Variants in FAM131C observed in about 807,000 individuals in gnomAD.
FAM131C encodes the protein protein FAM131C.
A neutral mutation model predicts 29.8 loss-of-function variants in FAM131C; 14 were observed. That is an observed-to-expected ratio of 0.47 (90% CI 0.31 to 0.73). FAM131C has a LOEUF of 0.73. FAM131C is among the 30% of genes least tolerant of loss of function. The pLI is 0.05. For missense variants in FAM131C, 252 were observed against 383.8 expected (o/e 0.66, Z 2.87); for synonymous variants, 86 against 157.8 (o/e 0.54, Z 3.41).
chr1:16,072,315 A>T (rs752413456), intron 1 of FAM131C, among the ~76,000 whole-genome samples: 8 of 152,180 alleles, frequency 5.3e-5, no homozygotes, highest in Admixed American at 2.6e-4. Context: ...GGAACTCCTG[A>T]GCAGAAGCCC....
chr1:16,065,172 C>G (rs1400532964), intron 1 of FAM131C, among the ~76,000 whole-genome samples: 4 of 152,090 alleles, frequency 2.6e-5, no homozygotes, highest in African/African-American at 9.7e-5. Context: ...CCAAGCACAC[C>G]TGGGCAAAAG....
chr1:16,059,675 C>A (rs895081707), intron 5 of FAM131C, 71 bp from the exon 6 acceptor site: 1 of 1,211,672 alleles, frequency 8.3e-7, no homozygotes, highest in Non-Finnish European at 1.1e-6. Flanking sequence ...TGGAGCTGCT[C>A]CAGGACAGGC....
At chr1:16,062,719 C>T (rs2023620660) in intron 2 of FAM131C, among the ~76,000 whole-genome samples, 185 bp from the exon 3 acceptor site, 1 of 152,230 alleles carries the variant, frequency 6.6e-6, no homozygotes. Context: ...AAGGAGGGGG[C>T]AACAGTGGTG....
Position 16,062,103 on chromosome 1 carries a change from A to G in FAM131C, c.264T>C (p.Leu88=). 1 of 1,611,490 alleles carries G rather than the reference A, an allele frequency of 6.2e-7. No individual in the cohort carries two copies. The highest frequency in any genetic ancestry group is 8.5e-7 in the Non-Finnish European group (1 of 1,179,444). Residue 88 remains leucine, a synonymous_variant, in exon 4 of 7, where the codon CTT becomes CTC. Transcript: ENST00000375662. ...YNVAALATSS[L]VGVVQSIKDH... ...AGAGTTGCGGCCAGAACCTACCCACAAGGGACGAGGTGGCCAGGGCTGCCA... is the reference window on the plus strand; with the variant it reads ...AGAGTTGCGGCCAGAACCTACCCACGAGGGACGAGGTGGCCAGGGCTGCCA...
At chr1:16,063,169 T>C (rs2023627955) in intron 2 of FAM131C, among the ~76,000 whole-genome samples, 1 of 148,396 alleles carries the variant, frequency 6.7e-6, no homozygotes, top group South Asian at 2.1e-4. Flanking sequence ...AGTTATATAT[T>C]ATATATTTAT....
chr1:16,062,489 G>C lies in FAM131C; in HGVS notation c.174+10C>G. The C allele has an allele frequency of 6.3e-7, 1 of 1,579,866 alleles. No individual in the cohort carries two copies. Among genetic ancestry groups the C allele is most frequent in the Non-Finnish European group, 8.6e-7 (1 of 1,163,380 alleles). ...GGCCGGCTAGAATGGGGACACACAA[G>C]TGCACTGACCTGCCAAGGATCCCAA... is the stretch of plus-strand genomic sequence containing the variant. On this transcript the variant is annotated intron_variant, in intron 3 of 6. Transcript: ENST00000375662.
At chr1:16,067,932 C>G (rs1447491851) in intron 1 of FAM131C, among the ~76,000 whole-genome samples, 1 of 152,214 alleles carries the variant, frequency 6.6e-6, no homozygotes, top group Non-Finnish European at 1.5e-5. Context: ...CCTCCCAGGG[C>G]TCTGCACCCC....
intron 3 of FAM131C, 101 bp downstream of exon 3, chr1:16,062,398 C>CCCCCCCG: frequency 1.4e-6 from 2 of 1,390,298 alleles, no homozygotes; most frequent in Non-Finnish European, 1.9e-6. Context: ...CCCCCCCGCC[C>CCCCCCCG]CAGGGCCAGC....
intron 4 of FAM131C, among the ~76,000 whole-genome samples, chr1:16,061,192 C>T (rs961393695): frequency 6.6e-6 from 1 of 152,136 alleles, no homozygotes; most frequent in African/African-American, 2.4e-5. Flanking sequence ...GAGACTCTCC[C>T]TCCCACCCAC....
At position 16,062,088 on chromosome 1, in the gene FAM131C, C is replaced by T. The variant is rs775398272; in HGVS notation, c.268+11G>A. 42 of 1,610,466 alleles carry T rather than the reference C, an allele frequency of 2.6e-5. No individual in the cohort carries two copies. The African/African-American group carries it at 3.1e-4, about 12-fold the overall frequency. ...TTCTCCACCGGCAGGAGAGTTGCGG[C>T]CAGAACCTACCCACAAGGGACGAGG... On this transcript the variant is annotated intron_variant, in intron 4 of 6. Transcript: ENST00000375662.
intron 2 of FAM131C, 30 bp from the exon 3 acceptor site, chr1:16,062,564 A>T: frequency 6.4e-7 from 1 of 1,554,618 alleles, no homozygotes; most frequent in South Asian, 1.2e-5. Context: ...AGGATCAGGC[A>T]GGGCCTGGCA....
At chr1:16,062,239 G>A in intron 3 of FAM131C, 47 bp from the exon 4 acceptor site, 2 of 1,581,620 alleles carry the variant, frequency 1.3e-6, no homozygotes, top group South Asian at 1.2e-5. Context: ...CAGGCTGCCG[G>A]CCGACATCCC....
intron 1 of FAM131C, among the ~76,000 whole-genome samples, chr1:16,065,214 C>T (rs1014331042): frequency 1.3e-4 from 20 of 151,888 alleles, no homozygotes; most frequent in African/African-American, 4.9e-4. Context: ...ACCTTCCCCC[C>T]ATCCCCCACT....
chr1:16,073,071 CCG>C (rs2023771652), intron 1 of FAM131C, among the ~76,000 whole-genome samples: 1 of 152,038 alleles, frequency 6.6e-6, no homozygotes, highest in Non-Finnish European at 1.5e-5. Context: ...CTCCCGGTGC[CCG>C]CAGTTCCTCC....
At chr1:16,069,489 C>T (rs1310671483) in intron 1 of FAM131C, among the ~76,000 whole-genome samples, 2 of 152,188 alleles carry the variant, frequency 1.3e-5, no homozygotes, top group African/African-American at 4.8e-5. Flanking sequence ...CTCTCACCCC[C>T]GACCCCACCG....
rs568805598 is a variant in FAM131C at position 16,062,179 on chromosome 1, G to A, written c.188C>T (p.Thr63Ile). Residue 63 changes from threonine (T) to isoleucine (I), a missense_variant, in exon 4 of 7, where the codon ACC (threonine) becomes ATC (isoleucine). Thr to Ile is a moderately conservative substitution (Grantham distance 89). This residue lies in a region of FAM131C where 52 missense variants were observed against 105.9 expected (regional missense o/e 0.49). Coordinates refer to ENST00000375662, the MANE Select transcript of FAM131C (RefSeq NM_182623.3). The stretch of plus-strand genomic sequence containing the variant: ...GGAGTCGGACAGGTAGCCGTTGGTG[G>A]TCTGGAAGCACCTCTGGAGGAAGTG... Reference protein sequence around the residue: ...CWDPWQRCFQTTNGYLSDSRS... With the variant: ...CWDPWQRCFQITNGYLSDSRS... The A allele has an allele frequency of 1.1e-5, 17 of 1,611,532 alleles. No individual in the cohort carries two copies. In the Admixed American group the frequency reaches 2.8e-4, roughly 27 times the overall value.
intron 1 of FAM131C, among the ~76,000 whole-genome samples, chr1:16,069,823 G>A (rs9442236): frequency 0.21 from 31,976 of 152,164 alleles, 4,421 homozygotes; most frequent in South Asian, 0.35. Context: ...GTGCGGTGGA[G>A]TAATCACAGC....
chr1:16,068,974 G>A (rs2023717070), intron 1 of FAM131C, among the ~76,000 whole-genome samples: 1 of 152,210 alleles, frequency 6.6e-6, no homozygotes, highest in African/African-American at 2.4e-5. Context: ...TGACAGTACT[G>A]TGTCAGGTAC....
intron 3 of FAM131C, 61 bp downstream of exon 3, chr1:16,062,438 G>C (rs1475106735): frequency 1.3e-5 from 19 of 1,480,004 alleles, no homozygotes; most frequent in Non-Finnish European, 1.7e-5. Flanking sequence ...GGGCACAAAG[G>C]ATGGAGGGGC....
Sources: allele counts gnomAD v4.1 joint callset (sites outside exome capture counted in the v4.1 genomes callset), GRCh38; gene constraint gnomAD v4.1.1; regional missense constraint gnomAD v4.1.1; transcripts MANE v1.5; gene names NCBI Gene and HGNC (gene_info 2026-07-23, HGNC 2026-07-21).